Variants in XKR6 observed in about 807,000 individuals in gnomAD.
The protein encoded by XKR6 is XK-related protein 6.
A neutral mutation model predicts 56.7 loss-of-function variants in XKR6; 22 were observed. The ratio of observed to expected loss-of-function variants is 0.39; its 90% CI spans 0.28 to 0.55. XKR6 has a LOEUF of 0.55. Ranked by LOEUF, XKR6 falls within the 20% of genes least tolerant of loss-of-function variation. The pLI is 0.66. For missense variants in XKR6, 852 were observed against 889.0 expected, an observed-to-expected ratio of 0.96 and a Z score of 0.53; for synonymous variants, 524 against 387.8, an observed-to-expected ratio of 1.35 and a Z score of -4.13.
At chr8:11,143,791 TCA>T (rs1563170822) in intron 1 of XKR6, among the ~76,000 whole-genome samples, 2 of 152,034 alleles carry the variant, frequency 1.3e-5, no homozygotes, top group African/African-American at 4.8e-5. Context: ...CTAAGCTACT[TCA>T]TTCGACTCTG....
chr8:11,189,704 T>C (rs572175360), intron 1 of XKR6, among the ~76,000 whole-genome samples: 2 of 152,320 alleles, frequency 1.3e-5, no homozygotes, highest in South Asian at 2.1e-4. Context: ...ATGCTTCTCA[T>C]CCCTGTCTGT....
Position 11,018,068 on chromosome 8 carries a change from C to T in XKR6, c.765-93238G>A, listed in dbSNP as rs191680223. On this transcript the variant is annotated intron_variant, in intron 1 of 2. Transcript: ENST00000416569. The stretch of plus-strand genomic sequence containing the variant: ...TTCAAACCTATACACATGTGACAAT[C>T]CCCGAGTTAGACAGCCCTCCTTCAG... Among the ~76,000 whole-genome samples, 506 of 152,282 alleles carry T rather than the reference C, an allele frequency of 3.3e-3. 1 individual carries two copies. Among genetic ancestry groups the T allele is most frequent in the African/African-American group, 9.3e-3 (387 of 41,534 alleles).
chr8:10,919,533 T>C (rs1800654498), intron 2 of XKR6, among the ~76,000 whole-genome samples: 1 of 152,246 alleles, frequency 6.6e-6, no homozygotes, highest in Non-Finnish European at 1.5e-5. Flanking sequence ...GAGTATCATG[T>C]ACCCAGAATA....
chr8:11,005,080 A>G (rs1039441403), intron 1 of XKR6, among the ~76,000 whole-genome samples: 1 of 152,158 alleles, frequency 6.6e-6, no homozygotes, highest in Non-Finnish European at 1.5e-5. Context: ...GCCTGAAACC[A>G]CAGATGGTAC....
intron 1 of XKR6, among the ~76,000 whole-genome samples, chr8:10,974,372 T>A (rs74935283): frequency 0.027 from 4,046 of 152,258 alleles, 119 homozygotes; most frequent in African/African-American, 0.075. Flanking sequence ...CAGCTAATTC[T>A]CTCCTGAGTT....
chr8:11,087,767 A>T (rs554741745), intron 1 of XKR6, among the ~76,000 whole-genome samples: 9 of 152,328 alleles, frequency 5.9e-5, no homozygotes, highest in African/African-American at 1.9e-4. Flanking sequence ...CCCATTCTTC[A>T]GTTTGTGAAC....
chr8:10,904,141 G>C (rs1296779686), intron 2 of XKR6, among the ~76,000 whole-genome samples: 1 of 152,154 alleles, frequency 6.6e-6, no homozygotes, highest in Non-Finnish European at 1.5e-5. Flanking sequence ...CTTCACGTTT[G>C]GCTGTGACGA....
intron 1 of XKR6, among the ~76,000 whole-genome samples, chr8:11,098,295 A>G (rs1298688454): frequency 2.0e-5 from 3 of 152,114 alleles, no homozygotes; most frequent in Non-Finnish European, 2.9e-5. Context: ...GCGCGCGCAC[A>G]CACACACAAA....
chr8:11,109,756 C>CCTG (rs1208436486), intron 1 of XKR6: 1 of 152,142 alleles, frequency 6.6e-6, no homozygotes. Context: ...CAAGTTTTCT[C>CCTG]CTGCCTGGTT....
chr8:11,148,446 C>T (rs761671163), intron 1 of XKR6, among the ~76,000 whole-genome samples: 30 of 152,150 alleles, frequency 2.0e-4, no homozygotes, highest in African/African-American at 6.5e-4. Context: ...TCTTGGACTT[C>T]GAGACTCCAG....
intron 1 of XKR6, among the ~76,000 whole-genome samples, chr8:11,060,248 T>C (rs1168100670): frequency 6.6e-6 from 1 of 152,064 alleles, no homozygotes; most frequent in African/African-American, 2.4e-5. Flanking sequence ...TAGCCAGACT[T>C]TGGTGAGACA....
rs763566122 is a variant in XKR6 at position 10,924,671 on chromosome 8, G to A, written c.924C>T (p.Tyr308=). The change falls in exon 2 of 3, where the codon TAC becomes TAT. Residue 308 remains tyrosine, a synonymous_variant. Coordinates refer to ENST00000416569, the MANE Select transcript of XKR6 (RefSeq NM_173683.4). The stretch of plus-strand genomic sequence containing the variant: ...CGGCGCTGTTCTTCTGGAGCATGAT[G>A]TAGAGCTGTAGCACCAGTTGGGGCG... The part of the protein sequence containing the change: ...ESAPQLVLQL[Y]IMLQKNSAET... The A allele has an allele frequency of 1.2e-6, 2 of 1,612,686 alleles. No individual in the cohort carries two copies. The highest frequency in any genetic ancestry group is 3.3e-5 in the Admixed American group (2 of 59,984).
chr8:10,911,253 GAGAC>G (rs1800353129), intron 2 of XKR6, among the ~76,000 whole-genome samples: 1 of 149,424 alleles, frequency 6.7e-6, no homozygotes, highest in Non-Finnish European at 1.5e-5. Context: ...GAGAGAGAGA[GAGAC>G]AGAATATGTA....
At chr8:11,081,578 C>G (rs910339923) in intron 1 of XKR6, among the ~76,000 whole-genome samples, 6 of 152,282 alleles carry the variant, frequency 3.9e-5, no homozygotes, top group African/African-American at 9.6e-5. Flanking sequence ...CAGGAAATTC[C>G]CACACCAGCA....
At chr8:10,973,976 C>T (rs1429610641) in intron 1 of XKR6, among the ~76,000 whole-genome samples, 1 of 152,168 alleles carries the variant, frequency 6.6e-6, no homozygotes, top group Non-Finnish European at 1.5e-5. Context: ...TATTATCATT[C>T]CAGTTTTTTT....
intron 1 of XKR6, among the ~76,000 whole-genome samples, chr8:11,170,351 A>G (rs990555677): frequency 2.6e-5 from 4 of 152,246 alleles, no homozygotes; most frequent in Admixed American, 6.5e-5. Flanking sequence ...GATCCATCCA[A>G]TGGAATATTA....
At chr8:11,173,106 C>T (rs1027283256) in intron 1 of XKR6, among the ~76,000 whole-genome samples, 5 of 151,112 alleles carry the variant, frequency 3.3e-5, no homozygotes, top group Admixed American at 6.6e-5. Flanking sequence ...GAGGCTGAGG[C>T]GGGTGGATCA....
intron 1 of XKR6, chr8:11,108,248 G>A (rs775299615): frequency 2.2e-6 from 1 of 455,690 alleles, no homozygotes; most frequent in Admixed American, 2.4e-5. Context: ...AATCTGTAAG[G>A]AATAAGGAAG....
At chr8:11,017,629 C>T (rs1251880345) in intron 1 of XKR6, among the ~76,000 whole-genome samples, 1 of 152,244 alleles carries the variant, frequency 6.6e-6, no homozygotes, top group African/African-American at 2.4e-5. Flanking sequence ...GCATCAGAGA[C>T]ACCCACACAG....
Sources: allele counts gnomAD v4.1 joint callset (sites outside exome capture counted in the v4.1 genomes callset), GRCh38; gene constraint gnomAD v4.1.1; transcripts MANE v1.5; gene names NCBI Gene and HGNC (gene_info 2026-07-23, HGNC 2026-07-21).